The following PTPRN2 variants were observed in gnomAD, a reference collection of about 807,000 sequenced individuals.
PTPRN2 encodes receptor-type tyrosine-protein phosphatase N2.
PTPRN2 carries 74 observed loss-of-function variants against 118.8 expected under a neutral mutation model. The observed-to-expected ratio is 0.62, with a 90% CI of 0.52 to 0.76. PTPRN2 has a LOEUF of 0.76. PTPRN2 is among the 30% of genes least tolerant of loss of function. The pLI, the probability that PTPRN2 is intolerant of heterozygous loss-of-function variation, is 0.00. For synonymous variants in PTPRN2, 641 were observed against 608.0 expected, an observed-to-expected ratio of 1.05 and a Z score of -0.80; for missense variants, 1,481 against 1,394.4, an observed-to-expected ratio of 1.06 and a Z score of -0.99.
chr7:157,799,179 G>A (rs1176741432), intron 12 of PTPRN2, among the ~76,000 whole-genome samples: 1 of 152,146 alleles, frequency 6.6e-6, no homozygotes, highest in Non-Finnish European at 1.5e-5. Context: ...CTGTGTGCTC[G>A]TGGGGAGGAA....
At chr7:157,733,253 G>T (rs909948759) in intron 12 of PTPRN2, among the ~76,000 whole-genome samples, 2 of 28,046 alleles carry the variant, frequency 7.1e-5, no homozygotes, top group Non-Finnish European at 1.4e-4. Context: ...TCCGTCCCAC[G>T]CGCCCAGCAC....
At chr7:157,859,786 C>T (rs1364527608) in intron 12 of PTPRN2, among the ~76,000 whole-genome samples, 5 of 118,838 alleles carry the variant, frequency 4.2e-5, no homozygotes, top group East Asian at 2.5e-4. Context: ...CCCCAGCCAC[C>T]ACCCACACTC....
intron 9 of PTPRN2, among the ~76,000 whole-genome samples, chr7:158,119,510 G>A (rs553633663): frequency 3.3e-5 from 5 of 152,172 alleles, no homozygotes; most frequent in Admixed American, 1.3e-4. Context: ...CACTTTGATC[G>A]AGTAACTCCA....
intron 2 of PTPRN2, among the ~76,000 whole-genome samples, chr7:158,400,582 A>T (rs2151402293): frequency 6.6e-6 from 1 of 152,240 alleles, no homozygotes; most frequent in East Asian, 1.9e-4. Context: ...AGAACACAAG[A>T]TGCGCTTTGT....
At chr7:157,577,240 C>T (rs958217336) in intron 18 of PTPRN2, among the ~76,000 whole-genome samples, 3 of 152,168 alleles carry the variant, frequency 2.0e-5, no homozygotes, top group Non-Finnish European at 2.9e-5. Context: ...GCAAAAGGCT[C>T]ACGGAGTCGC....
At chr7:158,111,017 A>G (rs1462112330) in intron 9 of PTPRN2, 102 bp from the exon 10 acceptor site, 6 of 997,274 alleles carry the variant, frequency 6.0e-6, no homozygotes, top group Non-Finnish European at 8.8e-6. Flanking sequence ...GTCCCCACAC[A>G]CACCCTGCTC....
At chr7:157,992,661 T>C (rs1008733427) in intron 11 of PTPRN2, among the ~76,000 whole-genome samples, 1 of 151,856 alleles carries the variant, frequency 6.6e-6, no homozygotes, top group Non-Finnish European at 1.5e-5. Flanking sequence ...CCTGGAGGGG[T>C]TGGGGTGGCC....
chr7:157,556,309 AACAACAC>A (rs1431057826), intron 21 of PTPRN2, among the ~76,000 whole-genome samples: 5 of 42,662 alleles, frequency 1.2e-4, no homozygotes, highest in Admixed American at 2.5e-4. Context: ...CACACACCCA[AACAACAC>A]ACACACCCAC....
chr7:157,624,883 G>GAA (rs532544806), intron 14 of PTPRN2, among the ~76,000 whole-genome samples: 2 of 150,332 alleles, frequency 1.3e-5, no homozygotes, highest in African/African-American at 4.9e-5. Flanking sequence ...AAATCAGTAA[G>GAA]AAAAAAAAAC....
chr7:157,976,403 T>C (rs1802750619), intron 11 of PTPRN2, among the ~76,000 whole-genome samples: 1 of 152,138 alleles, frequency 6.6e-6, no homozygotes, highest in Non-Finnish European at 1.5e-5. Context: ...CTGTTCTCTT[T>C]ATTGTTCAGT....
At position 158,126,789 on chromosome 7, in the gene PTPRN2, G is replaced by A. The variant is rs531718494; in HGVS notation, c.1556+6888C>T. 2.1e-3 allele frequency among the ~76,000 whole-genome samples: 326 copies of A among 152,330 alleles called. 1 individual carries two copies. The highest frequency in any genetic ancestry group is 1.9e-3 in the Non-Finnish European group (127 of 68,040). On this transcript the variant is annotated intron_variant, in intron 9 of 22. Coordinates refer to ENST00000389418, the MANE Select transcript of PTPRN2 (RefSeq NM_002847.5). ...CAGTGAGCCGAGGAAGGGGCTGGGG[G>A]AACCTGCAGGGCCAGGGCACTCACT...
At chr7:158,334,374 G>A (rs1359536062) in intron 2 of PTPRN2, among the ~76,000 whole-genome samples, 1 of 47,380 alleles carries the variant, frequency 2.1e-5, no homozygotes, top group Admixed American at 2.6e-4. Context: ...GACGCCCGCA[G>A]ATGTCACTCA....
chr7:158,341,035 A>T lies in PTPRN2; in HGVS notation c.164-24103T>A, dbSNP rs1342405227. Among the ~76,000 whole-genome samples, 49 of 12,790 alleles carry T rather than the reference A, an allele frequency of 3.8e-3. 2 individuals are homozygous for T. Among genetic ancestry groups the T allele is most frequent in the African/African-American group, 0.015 (45 of 2,916 alleles). The allele number at this position is 12,790 out of a possible 152,430, so 8.4% of individuals were successfully genotyped here. ...GCAGACGTCACTCACACCCACACTC[A>T]CCATGAGGTGACACCTGCAGACGTC... On this transcript the variant is annotated intron_variant, in intron 2 of 22. Transcript: ENST00000389418.
chr7:158,195,226 G>A (rs542850506), intron 4 of PTPRN2, among the ~76,000 whole-genome samples: 1 of 152,294 alleles, frequency 6.6e-6, no homozygotes, highest in South Asian at 2.1e-4. Flanking sequence ...GGAATTCTGG[G>A]TTGATGTTTG....
chr7:157,543,752 A>AC (rs1336673645), intron 22 of PTPRN2, among the ~76,000 whole-genome samples: 1 of 152,246 alleles, frequency 6.6e-6, no homozygotes, highest in Non-Finnish European at 1.5e-5. Context: ...GGCTGCACAC[A>AC]TAACTGCGGG....
At chr7:158,477,823 G>A (rs1385650712) in intron 2 of PTPRN2, among the ~76,000 whole-genome samples, 1 of 152,182 alleles carries the variant, frequency 6.6e-6, no homozygotes, top group Non-Finnish European at 1.5e-5. Context: ...TGCCTTTCTG[G>A]AAAAAGCAAC....
chr7:157,764,799 C>T lies in PTPRN2; in HGVS notation c.1789-81862G>A, dbSNP rs186574184. 2.6e-5 allele frequency among the ~76,000 whole-genome samples: 4 copies of T among 152,186 alleles called. No homozygotes were observed. The highest frequency in any genetic ancestry group is 3.9e-4 in the East Asian group (2 of 5,186). ...CTGGCATACAGCAGGGGACAGGAGC[C>T]GATTGTCTGTCCTACAGCTGGGAAA... On this transcript the variant is annotated intron_variant, in intron 12 of 22. Transcript: ENST00000389418. This position sits in a 1 kb window ranked among gnomAD's most constrained non-coding sequence, Gnocchi z 4.5.
chr7:157,834,578 G>T (rs527689548), intron 12 of PTPRN2, among the ~76,000 whole-genome samples: 2 of 152,326 alleles, frequency 1.3e-5, no homozygotes, highest in Non-Finnish European at 2.9e-5. Context: ...CGACCCACCC[G>T]CTGGCTACCA....
At chr7:157,842,171 C>G (rs1318540124) in intron 12 of PTPRN2, among the ~76,000 whole-genome samples, 2 of 152,122 alleles carry the variant, frequency 1.3e-5, no homozygotes, top group African/African-American at 4.8e-5. Flanking sequence ...TTTGCTGGCC[C>G]CTTTGTGCGT....
Sources: allele counts gnomAD v4.1 joint callset (sites outside exome capture counted in the v4.1 genomes callset), GRCh38; gene constraint gnomAD v4.1.1; non-coding constraint Gnocchi (gnomAD v3.1); transcripts MANE v1.5; gene names NCBI Gene and HGNC (gene_info 2026-07-23, HGNC 2026-07-21).